Variants in STAB2 observed in about 807,000 individuals in gnomAD.
STAB2 encodes stabilin-2.
A neutral mutation model predicts 338.1 loss-of-function variants in STAB2; 288 were observed. The observed-to-expected ratio is 0.85, with a 90% CI of 0.77 to 0.94. The LOEUF (loss-of-function observed/expected upper bound fraction) is 0.94. Among genes scored for constraint, STAB2 ranks in the 40% least tolerant of loss-of-function variants. The probability of loss-of-function intolerance (pLI) is 0.00; values close to 1 mark genes in which losing one functional copy is unlikely to be tolerated. For missense variants in STAB2, 3,141 were observed against 3,210.1 expected, an observed-to-expected ratio of 0.98 and a Z score of 0.52; for synonymous variants, 1,202 against 1,193.3, an observed-to-expected ratio of 1.01 and a Z score of -0.15.
chr12:103,611,348 C>G (rs1166364001), intron 3 of STAB2, among the ~76,000 whole-genome samples: 1 of 152,178 alleles, frequency 6.6e-6, no homozygotes, highest in Non-Finnish European at 1.5e-5. Flanking sequence ...TCTCTAAGGA[C>G]TTGGTTTATG....
chr12:103,615,962 A>G (rs2138616265), intron 3 of STAB2, among the ~76,000 whole-genome samples: 1 of 152,322 alleles, frequency 6.6e-6, no homozygotes, highest in Admixed American at 6.5e-5. Context: ...TTAGGTGGGG[A>G]CACAGCCAAA....
intron 61 of STAB2, among the ~76,000 whole-genome samples, chr12:103,754,634 AATG>A (rs1387417664): frequency 6.6e-6 from 1 of 152,106 alleles, no homozygotes; most frequent in African/African-American, 2.4e-5. Flanking sequence ...CGATGAGAGC[AATG>A]ATGATATTAT....
rs983993120 is a variant in STAB2, at chr12:103,740,739, T to G, written c.5864T>G (p.Phe1955Cys). 3.1e-6 allele frequency: 5 copies of G among 1,590,158 alleles called. No individual in the cohort carries two copies. Among genetic ancestry groups the G allele is most frequent in the Non-Finnish European group, 4.3e-6 (5 of 1,171,552 alleles). ...ATCCCCAGGTGCTGCAAGGGCTACTTCGGGCGAGACTGTCAGGGTGAGGGT... is the reference window on the plus strand; with the variant it reads ...ATCCCCAGGTGCTGCAAGGGCTACTGCGGGCGAGACTGTCAGGGTGAGGGT... ...IQIPRCCKGY[F>C]GRDCQACPGG... Residue 1955 changes from phenylalanine to cysteine, a missense_variant, in exon 55 of 69, where the codon TTC becomes TGC. Physicochemically the swap from Phe to Cys is radical, Grantham distance 205. Coordinates refer to ENST00000388887, the MANE Select transcript of STAB2 (RefSeq NM_017564.10).
chr12:103,704,442 T>A, intron 35 of STAB2, 116 bp from the exon 36 acceptor site: 1 of 926,924 alleles, frequency 1.1e-6, no homozygotes, highest in East Asian at 2.7e-5. Context: ...TTAAAGAGGC[T>A]GCCCAGATAA....
chr12:103,655,493 TTGG>T lies in STAB2; in HGVS notation c.1650_1652del (p.Gly551del), dbSNP rs912212960. On this transcript the variant is annotated inframe_deletion, in exon 15 of 69. Coordinates refer to ENST00000388887, the MANE Select transcript of STAB2 (RefSeq NM_017564.10). The stretch of plus-strand genomic sequence containing the variant: ...GGACATGCCTTAGATGAGGATGGAG[TTGG>T]TGGACCATACACCATTTTTGTTCCA... 1.9e-6 allele frequency: 3 copies of T among 1,613,868 alleles called. No homozygotes were observed. Among genetic ancestry groups the T allele is most frequent in the African/African-American group, 2.7e-5 (2 of 74,944 alleles).
At chr12:103,684,889 T>G in intron 26 of STAB2, 100 bp from the exon 27 acceptor site, 1 of 1,075,544 alleles carries the variant, frequency 9.3e-7, no homozygotes, top group South Asian at 1.4e-5. Flanking sequence ...AGCCCCAAAT[T>G]TGCAGTTATC....
Position 103,655,475 on chromosome 12 carries a change from C to G in STAB2, c.1628C>G (p.Ala543Gly), listed in dbSNP as rs1179150168. Reference protein sequence around the residue: ...SLLEETNLGHALDEDGVGGPY... With the variant: ...SLLEETNLGHGLDEDGVGGPY... ...ATGCAGGAAACCAATTTGGGACATG[C>G]CTTAGATGAGGATGGAGTTGGTGGA... The change falls in exon 15 of 69, where the codon GCC becomes GGC. Residue 543 changes from alanine (A) to glycine (G), a missense_variant. Ala to Gly is a moderately conservative substitution (Grantham distance 60). Transcript: ENST00000388887. 5 of 1,613,912 alleles carry G rather than the reference C, an allele frequency of 3.1e-6. No individual in the cohort carries two copies. The highest frequency in any genetic ancestry group is 8.5e-7 in the Non-Finnish European group (1 of 1,180,022).
In STAB2 at chr12:103,742,476, G is replaced by C. The variant is rs372337014; in HGVS notation, c.5953G>C (p.Glu1985Gln). Residue 1985 changes from glutamate to glutamine, a missense_variant, in exon 56 of 69, where the codon GAG (glutamate) becomes CAG (glutamine). Glu to Gln is a conservative substitution (Grantham distance 29). Coordinates refer to ENST00000388887, the MANE Select transcript of STAB2 (RefSeq NM_017564.10). ...CCTTGATCAGTACTCGGCCACCGGA[G>C]AGTGTAAATGCAACACCGGCTTCAA... ...VCLDQYSATG[E>Q]CKCNTGFNGT... The C allele has an allele frequency of 8.1e-6, 13 of 1,614,038 alleles. No individual in the cohort carries two copies. The South Asian group carries it at 1.3e-4, about 16-fold the overall frequency.
At chr12:103,594,820 G>A (rs1956851990) in intron 3 of STAB2, among the ~76,000 whole-genome samples, 1 of 152,050 alleles carries the variant, frequency 6.6e-6, no homozygotes, top group Admixed American at 6.6e-5. Flanking sequence ...GGGCTATTAG[G>A]ACCCCCAAAT....
intron 35 of STAB2, among the ~76,000 whole-genome samples, chr12:103,703,785 A>G (rs1357459632): frequency 1.3e-5 from 2 of 152,208 alleles, no homozygotes; most frequent in Non-Finnish European, 2.9e-5. Flanking sequence ...CCTTTCAACA[A>G]TAATTATAAC....
At chr12:103,728,296 G>C (rs984627302) in intron 47 of STAB2, among the ~76,000 whole-genome samples, 1 of 152,092 alleles carries the variant, frequency 6.6e-6, no homozygotes, top group Non-Finnish European at 1.5e-5. Flanking sequence ...TTTTAGTAGA[G>C]ATGGTGTTTT....
chr12:103,669,368 T>C, intron 20 of STAB2, 173 bp from the exon 21 acceptor site: 1 of 609,772 alleles, frequency 1.6e-6, no homozygotes, highest in South Asian at 1.9e-5. Flanking sequence ...AGTAGAGTTG[T>C]GGTGACCAGA....
intron 38 of STAB2, among the ~76,000 whole-genome samples, 191 bp downstream of exon 38, chr12:103,707,178 A>G (rs1879443022): frequency 6.6e-6 from 1 of 152,212 alleles, no homozygotes; most frequent in African/African-American, 2.4e-5. Context: ...GTTCCCAAAC[A>G]TTTTCAGTCT....
chr12:103,755,795 T>A, intron 63 of STAB2, 77 bp downstream of exon 63: 1 of 1,371,400 alleles, frequency 7.3e-7, no homozygotes, highest in Non-Finnish European at 1.0e-6. Context: ...GGTGAGGCCT[T>A]AAGCTGAAGG....
chr12:103,714,409 T>G (rs1456223670), intron 42 of STAB2, among the ~76,000 whole-genome samples: 1 of 152,210 alleles, frequency 6.6e-6, no homozygotes, highest in Non-Finnish European at 1.5e-5. Flanking sequence ...CCTATTAACA[T>G]TTAGCCCTGG....
At chr12:103,752,374 A>G (rs1883742764) in intron 60 of STAB2, among the ~76,000 whole-genome samples, 1 of 152,220 alleles carries the variant, frequency 6.6e-6, no homozygotes. Context: ...GTGCTACTGA[A>G]ATATGTTCAA....
At chr12:103,670,861 G>A (rs560915461) in intron 22 of STAB2, 54 bp downstream of exon 22, 15 of 1,472,930 alleles carry the variant, frequency 1.0e-5, no homozygotes, top group Non-Finnish European at 1.4e-5. Context: ...TCCCTCTCGT[G>A]CTGCAGCAGG....
At chr12:103,646,460 GC>G (rs1873344678) in intron 9 of STAB2, among the ~76,000 whole-genome samples, 1 of 152,122 alleles carries the variant, frequency 6.6e-6, no homozygotes, top group Admixed American at 6.5e-5. Context: ...CAAGCATTGA[GC>G]TTTTTCTATA....
intron 50 of STAB2, 148 bp downstream of exon 50, chr12:103,731,783 G>A (rs1378780524): frequency 1.0e-5 from 7 of 693,442 alleles, no homozygotes; most frequent in Non-Finnish European, 1.7e-5. Context: ...GGAGAGCAAA[G>A]TCATTCTCTG....
Sources: allele counts gnomAD v4.1 joint callset (sites outside exome capture counted in the v4.1 genomes callset), GRCh38; gene constraint gnomAD v4.1.1; transcripts MANE v1.5; gene names NCBI Gene and HGNC (gene_info 2026-07-23, HGNC 2026-07-21).